KLHL1: variants seen among roughly 807,000 people sequenced by gnomAD.
The protein encoded by KLHL1 is kelch like family member 1.
Under a neutral mutation model 77.7 loss-of-function variants are expected in KLHL1, and 47 were observed. The observed-to-expected ratio is 0.60, with a 90% CI of 0.48 to 0.77. The LOEUF (loss-of-function observed/expected upper bound fraction) is 0.77, where lower values mean the gene tolerates loss of function less well. Among genes scored for constraint, KLHL1 ranks in the 30% least tolerant of loss-of-function variants. The pLI is 0.00. For missense variants in KLHL1, 925 were observed against 910.8 expected, an observed-to-expected ratio of 1.02 and a Z score of -0.20; for synonymous variants, 360 against 325.2, an observed-to-expected ratio of 1.11 and a Z score of -1.15.
At chr13:69,888,464 G>T (rs193099661) in intron 4 of KLHL1, among the ~76,000 whole-genome samples, 1 of 152,180 alleles carries the variant, frequency 6.6e-6, no homozygotes, top group East Asian at 1.9e-4. Context: ...CTTTCTAAGA[G>T]AAATTTTGAG....
At chr13:69,713,787 T>G (rs1471952147) in intron 9 of KLHL1, among the ~76,000 whole-genome samples, 1 of 152,144 alleles carries the variant, frequency 6.6e-6, no homozygotes, top group Non-Finnish European at 1.5e-5. Context: ...TGGTTACCCT[T>G]AGAGACAATA....
Position 70,006,499 on chromosome 13 carries a change from C to A in KLHL1, c.498-30697G>T, listed in dbSNP as rs567309975. 4.7e-4 allele frequency among the ~76,000 whole-genome samples: 48 copies of A among 103,170 alleles called. No individual in the cohort carries two copies. The South Asian group carries it at 0.015, about 33-fold the overall frequency. The allele number at this position is 103,170 out of a possible 152,430, so 67.7% of individuals were successfully genotyped here. A position where few individuals can be genotyped will look rare whatever the true frequency, so the allele number is the denominator to read the frequency against. Reference sequence around the variant, plus strand: ...CAGTACATTCGAAAGTATTCCCCCTCAAGTTTTTTTTTTTTTTTCAAAGAG... The same window carrying A: ...CAGTACATTCGAAAGTATTCCCCCTAAAGTTTTTTTTTTTTTTTCAAAGAG... On this transcript the variant is annotated intron_variant, in intron 1 of 10. Transcript: ENST00000377844.
At chr13:69,994,259 G>T (rs546135147) in intron 1 of KLHL1, among the ~76,000 whole-genome samples, 2 of 152,216 alleles carry the variant, frequency 1.3e-5, no homozygotes, top group South Asian at 4.1e-4. Flanking sequence ...ATGAGGCCTG[G>T]TTGGGTAGGA....
At chr13:70,046,795 C>T (rs550346932) in intron 1 of KLHL1, among the ~76,000 whole-genome samples, 3 of 152,150 alleles carry the variant, frequency 2.0e-5, no homozygotes, top group African/African-American at 4.8e-5. Flanking sequence ...ATTAAAGGCC[C>T]TTACACCCGG....
intron 5 of KLHL1, among the ~76,000 whole-genome samples, chr13:69,851,666 G>A (rs1054842227): frequency 1.3e-5 from 2 of 151,418 alleles, no homozygotes; most frequent in African/African-American, 2.4e-5. Context: ...TCCTTTTCTG[G>A]ACTCCTCTCT....
intron 1 of KLHL1, among the ~76,000 whole-genome samples, chr13:70,010,600 C>T (rs1483801574): frequency 2.6e-5 from 4 of 151,894 alleles, no homozygotes; most frequent in African/African-American, 4.8e-5. Flanking sequence ...GTTATATAAA[C>T]AAGAGTTCAG....
intron 4 of KLHL1, among the ~76,000 whole-genome samples, chr13:69,928,876 T>A (rs1356021090): frequency 6.6e-6 from 1 of 152,068 alleles, no homozygotes; most frequent in African/African-American, 2.4e-5. Context: ...GGCATTAAAT[T>A]GTATAATTTT....
At chr13:69,752,343 A>G (rs1874524774) in intron 7 of KLHL1, among the ~76,000 whole-genome samples, 1 of 152,138 alleles carries the variant, frequency 6.6e-6, no homozygotes, top group Non-Finnish European at 1.5e-5. Context: ...TGATTTATCT[A>G]AGCAATTAAA....
chr13:70,023,079 A>G (rs1409813327), intron 1 of KLHL1, among the ~76,000 whole-genome samples: 2 of 151,936 alleles, frequency 1.3e-5, no homozygotes, highest in Non-Finnish European at 1.5e-5. Flanking sequence ...TTTATTCACT[A>G]TACCTAGAGT....
At chr13:70,099,310 A>G (rs974314932) in intron 1 of KLHL1, among the ~76,000 whole-genome samples, 1 of 151,772 alleles carries the variant, frequency 6.6e-6, no homozygotes, top group Non-Finnish European at 1.5e-5. Flanking sequence ...TGTAAAGCCT[A>G]TGAGCAGTAT....
chr13:69,888,457 T>C (rs1481403165), intron 4 of KLHL1, among the ~76,000 whole-genome samples: 1 of 152,220 alleles, frequency 6.6e-6, no homozygotes, highest in African/African-American at 2.4e-5. Context: ...CTGTGGTCTT[T>C]CTAAGAGAAA....
chr13:70,059,773 C>T (rs947945330), intron 1 of KLHL1, among the ~76,000 whole-genome samples: 1 of 152,104 alleles, frequency 6.6e-6, no homozygotes, highest in East Asian at 1.9e-4. Context: ...AAAATCATGG[C>T]AGAAGGCAAA....
chr13:70,088,864 ACTT>A (rs1448881630), intron 1 of KLHL1, among the ~76,000 whole-genome samples: 1 of 152,006 alleles, frequency 6.6e-6, no homozygotes, highest in Non-Finnish European at 1.5e-5. Flanking sequence ...AGAAAAAAAA[ACTT>A]ATCAGGGCTA....
intron 2 of KLHL1, among the ~76,000 whole-genome samples, chr13:69,972,824 T>TA (rs1369215961): frequency 1.3e-5 from 2 of 151,928 alleles, no homozygotes; most frequent in African/African-American, 4.8e-5. Context: ...GAACACCTCC[T>TA]AATTTTCTTA....
At chr13:69,903,842 A>G (rs1223517765) in intron 4 of KLHL1, among the ~76,000 whole-genome samples, 1 of 151,390 alleles carries the variant, frequency 6.6e-6, no homozygotes, top group Non-Finnish European at 1.5e-5. Context: ...GGGTTTCACC[A>G]TGTTGGCCAG....
At chr13:69,809,970 G>C (rs575916353) in intron 6 of KLHL1, among the ~76,000 whole-genome samples, 206 of 151,998 alleles carry the variant, frequency 1.4e-3, no homozygotes, top group African/African-American at 4.6e-3. Context: ...AATGATAAAG[G>C]GTTCAATTTA....
chr13:69,835,052 A>G (rs1310168793), intron 6 of KLHL1, among the ~76,000 whole-genome samples: 1 of 152,170 alleles, frequency 6.6e-6, no homozygotes, highest in Non-Finnish European at 1.5e-5. Flanking sequence ...AAATTAATTA[A>G]CTAAGAAAAT....
chr13:69,975,726 C>G lies in KLHL1; in HGVS notation c.574G>C (p.Val192Leu), dbSNP rs1266722380. The G allele has an allele frequency of 3.1e-6, 5 of 1,613,534 alleles. No homozygotes were observed. The South Asian group carries it at 5.5e-5, about 18-fold the overall frequency. ...CTGAAGGTTTGCTCAGCATGATGAA[C>G]AGCTTGATAGAATTCTTCAGAGCTA... ...SSSSEEFYQAVHHAEQTFRKM... is the reference protein window; with the variant it reads ...SSSSEEFYQALHHAEQTFRKM... The change falls in exon 2 of 11, where the codon GTT becomes CTT. Residue 192 changes from valine to leucine, a missense_variant. Transcript: ENST00000377844.
At chr13:69,975,441 A>G (rs1884516107) in intron 2 of KLHL1, among the ~76,000 whole-genome samples, 179 bp downstream of exon 2, 1 of 152,010 alleles carries the variant, frequency 6.6e-6, no homozygotes, top group African/African-American at 2.4e-5. Context: ...CAACTTTTCC[A>G]CAAAAGAAAA....
Sources: gnomAD v4.1 joint callset for allele counts (sites outside exome capture counted in the v4.1 genomes callset) on GRCh38, gnomAD v4.1.1 for gene constraint, MANE v1.5 for transcripts, NCBI Gene and HGNC (gene_info 2026-07-23, HGNC 2026-07-21) for gene names.